The following PDE1A variants were observed in gnomAD, a reference collection of about 807,000 sequenced individuals.
The protein encoded by PDE1A is dual specificity calcium/calmodulin-dependent 3',5'-cyclic nucleotide phosphodiesterase 1A.
A neutral mutation model predicts 61.7 loss-of-function variants in PDE1A; 35 were observed. The ratio of observed to expected loss-of-function variants is 0.57; its 90% CI spans 0.43 to 0.75. The LOEUF is 0.75. Among genes scored for constraint, PDE1A ranks in the 30% least tolerant of loss-of-function variants. The probability of loss-of-function intolerance (pLI) is 0.00; values close to 1 mark genes in which losing one functional copy is unlikely to be tolerated. For synonymous variants in PDE1A, 232 were observed against 213.2 expected (o/e 1.09, Z -0.77); for missense variants, 597 against 630.6 (o/e 0.95, Z 0.57).
chr2:182,170,142 G>T (rs546986665), intron 13 of PDE1A, among the ~76,000 whole-genome samples: 1 of 151,906 alleles, frequency 6.6e-6, no homozygotes, highest in African/African-American at 2.4e-5. Context: ...CATGATACAG[G>T]TTACTGGTTT....
At chr2:182,631,899 ATT>A in the PDE1A span, among the ~76,000 whole-genome samples, 1 of 152,224 alleles carries the variant, frequency 6.6e-6, no homozygotes, top group African/African-American at 2.4e-5. Context: ...AATAATTACC[ATT>A]TGTTTTAGAA....
intron 1 of PDE1A, among the ~76,000 whole-genome samples, chr2:182,304,064 C>T (rs1695421637): frequency 6.6e-6 from 1 of 152,050 alleles, no homozygotes; most frequent in African/African-American, 2.4e-5. Flanking sequence ...CCATGACCAG[C>T]TAATTTTTGT....
At chr2:182,550,763 T>A in the PDE1A span, among the ~76,000 whole-genome samples, 104,894 of 151,988 alleles carry the variant, frequency 0.69, 38,259 homozygotes, top group East Asian at 0.95. Context: ...GAGTTGACTC[T>A]GGAATCCAGA....
the PDE1A span, among the ~76,000 whole-genome samples, chr2:182,535,656 C>T: frequency 1.3e-5 from 2 of 151,998 alleles, no homozygotes; most frequent in African/African-American, 2.4e-5. Context: ...AATGTATGTA[C>T]ATTTGACGGG....
chr2:182,471,496 A>ATAGAAGT (rs1687026360), intron 2 of PDE1A, among the ~76,000 whole-genome samples: 1 of 151,746 alleles, frequency 6.6e-6, no homozygotes, highest in Non-Finnish European at 1.5e-5. Flanking sequence ...TGAGTGTAGG[A>ATAGAAGT]TAGAAGGTAA....
In PDE1A at chr2:182,486,511, A is replaced by T. The variant is rs559192067; in HGVS notation, c.101+35765T>A. ...GCCAGAACAATTTTTTAAAAGAACA[A>T]AGTTGGAGGATTTACACTTTGAAGT... is the stretch of plus-strand genomic sequence containing the variant. On this transcript the variant is annotated intron_variant, in intron 2 of 14. Coordinates refer to the PDE1A transcript ENST00000410103. Among the ~76,000 whole-genome samples, 4 of 152,188 alleles carry T rather than the reference A, an allele frequency of 2.6e-5. No individual in the cohort carries two copies. In the South Asian group the frequency reaches 8.3e-4, roughly 32 times the overall value.
intron 1 of PDE1A, among the ~76,000 whole-genome samples, chr2:182,379,714 T>C (rs927709866): frequency 2.0e-5 from 3 of 152,222 alleles, no homozygotes; most frequent in Non-Finnish European, 4.4e-5. Context: ...AAGATATGCA[T>C]GTATTTATTT....
At chr2:182,441,789 T>C (rs748606255) in intron 2 of PDE1A, among the ~76,000 whole-genome samples, 5 of 152,062 alleles carry the variant, frequency 3.3e-5, no homozygotes, top group Non-Finnish European at 7.4e-5. Context: ...ACAAATGAGC[T>C]TGAAGAGGCT....
At chr2:182,275,076 G>A (rs1283620465) in intron 1 of PDE1A, among the ~76,000 whole-genome samples, 2 of 152,144 alleles carry the variant, frequency 1.3e-5, no homozygotes, top group Non-Finnish European at 2.9e-5. Context: ...GATGATGGGA[G>A]ATGAGAAAAC....
intron 2 of PDE1A, among the ~76,000 whole-genome samples, chr2:182,256,630 A>G (rs1255285455): frequency 1.3e-5 from 2 of 152,154 alleles, no homozygotes. Flanking sequence ...CAGCAATGAT[A>G]GACTGGATTA....
chr2:182,231,185 G>T, intron 4 of PDE1A, 54 bp from the exon 5 acceptor site: 4 of 902,836 alleles, frequency 4.4e-6, no homozygotes, highest in Non-Finnish European at 7.1e-6. Flanking sequence ...GTTTCTACGA[G>T]AATTTATTCA....
At chr2:182,587,849 T>C in the PDE1A span, among the ~76,000 whole-genome samples, 1 of 152,304 alleles carries the variant, frequency 6.6e-6, no homozygotes, top group Non-Finnish European at 1.5e-5. Context: ...AAACACTAAA[T>C]ATGCAGCCAA....
chr2:182,622,691 T>A, the PDE1A span, among the ~76,000 whole-genome samples: 4 of 152,232 alleles, frequency 2.6e-5, no homozygotes, highest in African/African-American at 9.6e-5. Flanking sequence ...GAAGCAAAGG[T>A]ACTGACCTGG....
chr2:182,422,777 C>T (rs1312293907), intron 1 of PDE1A, among the ~76,000 whole-genome samples: 1 of 152,002 alleles, frequency 6.6e-6, no homozygotes, highest in Non-Finnish European at 1.5e-5. Flanking sequence ...CAAAGGTTTT[C>T]AAAAGCCTAA....
the PDE1A span, among the ~76,000 whole-genome samples, chr2:182,692,584 G>A: frequency 6.6e-6 from 1 of 151,260 alleles, no homozygotes; most frequent in African/African-American, 2.4e-5. Flanking sequence ...TGAGTTAATG[G>A]GTGCAGCACA....
chr2:182,575,421 G>C, the PDE1A span, among the ~76,000 whole-genome samples: 1 of 151,820 alleles, frequency 6.6e-6, no homozygotes, highest in Non-Finnish European at 1.5e-5. Context: ...TGTCCAGGTG[G>C]CAATCTTAAC....
intron 1 of PDE1A, among the ~76,000 whole-genome samples, chr2:182,373,368 G>A (rs1326397372): frequency 6.6e-6 from 1 of 152,156 alleles, no homozygotes; most frequent in African/African-American, 2.4e-5. Flanking sequence ...AGGAGAGAGG[G>A]CAGAGAAACC....
rs1686765894 is a variant in PDE1A at position 182,467,756 on chromosome 2, T to A, written c.101+54520A>T. On this transcript the variant is annotated intron_variant, in intron 2 of 14. Transcript: ENST00000410103. ...GATTTATTTAACATCTGAAAATTAA[T>A]CAATGTAATTAGCCATATTACTTGA... 1.3e-5 allele frequency among the ~76,000 whole-genome samples: 2 copies of A among 151,926 alleles called. 1 individual carries two copies. Among genetic ancestry groups the A allele is most frequent in the Non-Finnish European group, 2.9e-5 (2 of 67,910 alleles).
the PDE1A span, among the ~76,000 whole-genome samples, chr2:182,551,052 C>CA: frequency 0.028 from 3,813 of 138,596 alleles, 102 homozygotes; most frequent in African/African-American, 0.078. Flanking sequence ...TCAGCAAATA[C>CA]AAAAAAAAAA....
Sources: allele counts gnomAD v4.1 joint callset (sites outside exome capture counted in the v4.1 genomes callset), GRCh38; gene constraint gnomAD v4.1.1; transcripts MANE v1.5; gene names NCBI Gene and HGNC (gene_info 2026-07-23, HGNC 2026-07-21).